Variants in DDX10 observed in about 807,000 individuals in gnomAD.
DDX10 encodes DEAD-box helicase 10, also known as probable ATP-dependent RNA helicase DDX10.
DDX10 carries 74 observed loss-of-function variants against 104.3 expected under a neutral mutation model. The ratio of observed to expected loss-of-function variants is 0.71; its 90% CI spans 0.59 to 0.86. DDX10 has a LOEUF of 0.86. Among genes scored for constraint, DDX10 ranks in the 40% least tolerant of loss-of-function variants. The pLI is 0.00. For synonymous variants in DDX10, 351 were observed against 353.4 expected, an observed-to-expected ratio of 0.99 and a Z score of 0.08; for missense variants, 952 against 1,040.0, an observed-to-expected ratio of 0.92 and a Z score of 1.16.
At chr11:108,740,070 G>A (rs942419097) in intron 13 of DDX10, among the ~76,000 whole-genome samples, 4 of 151,088 alleles carry the variant, frequency 2.6e-5, no homozygotes, top group Non-Finnish European at 5.9e-5. Context: ...TTGGTGTACA[G>A]ATTATTTCAT....
chr11:108,700,019 AC>A (rs1452682798), intron 9 of DDX10, among the ~76,000 whole-genome samples: 1 of 152,160 alleles, frequency 6.6e-6, no homozygotes, highest in Admixed American at 6.5e-5. Context: ...ATTGTGAACA[AC>A]CATGGTGCAT....
intron 16 of DDX10, among the ~76,000 whole-genome samples, chr11:108,855,394 T>C (rs1284556981): frequency 2.0e-5 from 3 of 152,176 alleles, no homozygotes; most frequent in African/African-American, 7.2e-5. Flanking sequence ...TGCTGAAACT[T>C]GAGGAAATAG....
intron 17 of DDX10, among the ~76,000 whole-genome samples, chr11:108,934,904 T>A (rs527570246): frequency 9.3e-4 from 142 of 152,216 alleles, no homozygotes; most frequent in Admixed American, 2.9e-3. Context: ...GTTCTGGGGG[T>A]GCTCCCACAC....
intron 6 of DDX10, 149 bp downstream of exon 6, chr11:108,679,709 C>A: frequency 1.8e-6 from 1 of 544,278 alleles, no homozygotes; most frequent in Non-Finnish European, 3.0e-6. Flanking sequence ...TTAAAATTAC[C>A]CAAATTCTGC....
At chr11:108,804,121 A>G (rs1862064250) in intron 13 of DDX10, among the ~76,000 whole-genome samples, 2 of 152,302 alleles carry the variant, frequency 1.3e-5, no homozygotes, top group African/African-American at 4.8e-5. Context: ...TATTGAGGGC[A>G]TTGTACATCA....
chr11:108,847,172 TTAGTAAAC>T (rs947771966), intron 15 of DDX10, among the ~76,000 whole-genome samples: 1 of 152,216 alleles, frequency 6.6e-6, no homozygotes, highest in Non-Finnish European at 1.5e-5. Context: ...TATGAAACCA[TTAGTAAAC>T]TAGTAAACTG....
rs1260474129 is a variant in DDX10 at position 108,779,746 on chromosome 11, T to C, written c.1965+56284T>C. Among the ~76,000 whole-genome samples the C allele has an allele frequency of 2.0e-5, 3 of 152,218 alleles. No homozygotes were observed. The South Asian group carries it at 6.2e-4, about 32-fold the overall frequency. Reference sequence around the variant, plus strand: ...TTAGTTGCATAACATTTCATTGTTTTGGAGTACCATTTTCCTAATCTTAGC... The same window carrying C: ...TTAGTTGCATAACATTTCATTGTTTCGGAGTACCATTTTCCTAATCTTAGC... On this transcript the variant is annotated intron_variant, in intron 13 of 17. Transcript: ENST00000322536.
chr11:108,725,783 A>G (rs1054555492), intron 13 of DDX10, among the ~76,000 whole-genome samples: 3 of 151,992 alleles, frequency 2.0e-5, no homozygotes, highest in African/African-American at 4.8e-5. Flanking sequence ...CAGGTATCTT[A>G]AATTTTGAAG....
At position 108,737,230 on chromosome 11, in the gene DDX10, T is replaced by C. The variant is rs2094319484; in HGVS notation, c.1965+13768T>C. 2.0e-5 allele frequency among the ~76,000 whole-genome samples: 3 copies of C among 152,210 alleles called. No homozygotes were observed. In the South Asian group the frequency reaches 6.2e-4, roughly 32 times the overall value. ...ATTTTTGTTTTAATAAACCAAATTT[T>C]TAAAACTTATTTTTCAAGCCAGGAG... On this transcript the variant is annotated intron_variant, in intron 13 of 17. Coordinates refer to ENST00000322536, the MANE Select transcript of DDX10 (RefSeq NM_004398.4).
At chr11:108,742,175 G>A (rs1270367555) in intron 13 of DDX10, among the ~76,000 whole-genome samples, 8 of 151,962 alleles carry the variant, frequency 5.3e-5, no homozygotes, top group African/African-American at 1.9e-4. Context: ...CAGGAGAATT[G>A]CTTGAATCTG....
chr11:108,835,783 T>C (rs1000196845), intron 13 of DDX10, among the ~76,000 whole-genome samples: 2 of 151,780 alleles, frequency 1.3e-5, no homozygotes, highest in South Asian at 2.1e-4. Flanking sequence ...GATGAAGGGA[T>C]AGTCCCTGCT....
chr11:108,896,276 A>G (rs902755096), intron 16 of DDX10, among the ~76,000 whole-genome samples: 54 of 152,250 alleles, frequency 3.5e-4, no homozygotes, highest in Admixed American at 3.5e-3. Context: ...ATGCTTGTGA[A>G]TCCAACGTGG....
chr11:108,940,191 A>T, intron 17 of DDX10, 55 bp from the exon 18 acceptor site: 2 of 1,552,940 alleles, frequency 1.3e-6, no homozygotes, highest in Non-Finnish European at 1.7e-6. Context: ...GTCCTATTTT[A>T]AATGTTTGAT....
chr11:108,801,417 A>G (rs968999356), intron 13 of DDX10, among the ~76,000 whole-genome samples: 1 of 152,186 alleles, frequency 6.6e-6, no homozygotes, highest in African/African-American at 2.4e-5. Context: ...AAAGTTCTCA[A>G]CTTATGAAAT....
At chr11:108,865,012 A>C (rs1862990330) in intron 16 of DDX10, among the ~76,000 whole-genome samples, 1 of 152,208 alleles carries the variant, frequency 6.6e-6, no homozygotes, top group East Asian at 1.9e-4. Context: ...ATATAAGGGC[A>C]TCAGAATATG....
chr11:108,870,129 A>C (rs1339022479), intron 16 of DDX10, among the ~76,000 whole-genome samples: 1 of 152,182 alleles, frequency 6.6e-6, no homozygotes, highest in Non-Finnish European at 1.5e-5. Flanking sequence ...TTGTAAATCT[A>C]CAGTTATTTA....
intron 2 of DDX10, among the ~76,000 whole-genome samples, chr11:108,675,088 TTGTGTGTGTGTGTG>T (rs142204234): frequency 8.9e-5 from 13 of 146,776 alleles, no homozygotes; most frequent in African/African-American, 1.3e-4. Context: ...CATATTCCAT[TTGTGTGTGTGTGTG>T]TGTGTGTGTG....
At chr11:108,674,666 G>A (rs2094221593) in intron 2 of DDX10, among the ~76,000 whole-genome samples, 1 of 152,020 alleles carries the variant, frequency 6.6e-6, no homozygotes, top group Non-Finnish European at 1.5e-5. Flanking sequence ...GCATGCCACT[G>A]TGCCTGGCTA....
At chr11:108,757,625 C>T (rs558988143) in intron 13 of DDX10, among the ~76,000 whole-genome samples, 13 of 152,190 alleles carry the variant, frequency 8.5e-5, no homozygotes, top group Admixed American at 7.2e-4. Flanking sequence ...CTTGTGATTA[C>T]GCTTAGATGT....
Sources: gnomAD v4.1 joint callset for allele counts (sites outside exome capture counted in the v4.1 genomes callset) on GRCh38, gnomAD v4.1.1 for gene constraint, MANE v1.5 for transcripts, NCBI Gene and HGNC (gene_info 2026-07-23, HGNC 2026-07-21) for gene names.